The following SORBS2 variants were observed in gnomAD, a reference collection of about 807,000 sequenced individuals.
The protein encoded by SORBS2 is sorbin and SH3 domain-containing protein 2.
SORBS2 carries 46 observed loss-of-function variants against 97.7 expected under a neutral mutation model. The ratio of observed to expected loss-of-function variants is 0.47; its 90% CI spans 0.37 to 0.60. The LOEUF is 0.60. SORBS2 is among the 20% of genes least tolerant of loss of function. SORBS2 has a pLI of 0.00. For missense variants in SORBS2, 1,316 were observed against 1,282.3 expected (o/e 1.03, Z -0.40); for synonymous variants, 476 against 473.4 (o/e 1.01, Z -0.07).
intron 1 of SORBS2, among the ~76,000 whole-genome samples, chr4:185,781,056 G>A (rs910018181): frequency 6.6e-6 from 1 of 152,106 alleles, no homozygotes; most frequent in African/African-American, 2.4e-5. Context: ...TCCTGCCTCA[G>A]CCTCCCAAGT....
At chr4:185,886,322 G>A (rs915958953) in intron 1 of SORBS2, among the ~76,000 whole-genome samples, 5 of 152,066 alleles carry the variant, frequency 3.3e-5, no homozygotes, top group South Asian at 2.1e-4. Flanking sequence ...TCAGGAGGCC[G>A]AGGTGGGCAG....
intron 2 of SORBS2, among the ~76,000 whole-genome samples, chr4:185,688,505 A>AATAG (rs35533883): frequency 0.037 from 4,780 of 127,726 alleles, 105 homozygotes; most frequent in African/African-American, 0.074. Flanking sequence ...TAGATAGATA[A>AATAG]ATAGATAGAT....
chr4:185,949,311 T>A (rs1458149917), intron 1 of SORBS2, among the ~76,000 whole-genome samples: 1 of 152,236 alleles, frequency 6.6e-6, no homozygotes, highest in African/African-American at 2.4e-5. Flanking sequence ...GTATTGAATC[T>A]GGACTGGACC....
chr4:185,742,168 G>A (rs577601284), intron 2 of SORBS2, among the ~76,000 whole-genome samples: 35 of 152,346 alleles, frequency 2.3e-4, no homozygotes, highest in African/African-American at 7.9e-4. Flanking sequence ...TGGGGGTAGT[G>A]TTCAAACAAC....
chr4:185,703,828 G>C (rs1320306603), intron 2 of SORBS2, among the ~76,000 whole-genome samples: 1 of 152,126 alleles, frequency 6.6e-6, no homozygotes, highest in Non-Finnish European at 1.5e-5. Context: ...TGTGATAATT[G>C]TATCATTAAC....
intron 1 of SORBS2, among the ~76,000 whole-genome samples, chr4:185,952,228 A>C (rs911613096): frequency 6.6e-6 from 1 of 152,130 alleles, no homozygotes; most frequent in Non-Finnish European, 1.5e-5. Context: ...GGGTTTCACC[A>C]TGTTGGCCAG....
intron 4 of SORBS2, among the ~76,000 whole-genome samples, chr4:185,641,725 C>G (rs1287742375): frequency 2.6e-5 from 4 of 151,060 alleles, no homozygotes; most frequent in Admixed American, 2.0e-4. Flanking sequence ...TCTTTCTAGC[C>G]TTGGTGTGAT....
chr4:185,884,229 T>C (rs2099238236), intron 1 of SORBS2, among the ~76,000 whole-genome samples: 1 of 152,224 alleles, frequency 6.6e-6, no homozygotes, highest in Non-Finnish European at 1.5e-5. Context: ...AATTGGCATG[T>C]TTATAGATCC....
intron 1 of SORBS2, among the ~76,000 whole-genome samples, chr4:185,847,104 C>T (rs1383019618): frequency 6.6e-6 from 1 of 152,024 alleles, no homozygotes; most frequent in Non-Finnish European, 1.5e-5. Flanking sequence ...ACTTCTGTCC[C>T]CAAAACTTAC....
intron 1 of SORBS2, among the ~76,000 whole-genome samples, chr4:185,946,231 A>G (rs1320410138): frequency 6.6e-6 from 1 of 152,216 alleles, no homozygotes; most frequent in East Asian, 1.9e-4. Context: ...AAAAGGAAAA[A>G]GAGAACATGA....
chr4:185,733,591 G>A (rs573881620), intron 2 of SORBS2, among the ~76,000 whole-genome samples: 1 of 152,306 alleles, frequency 6.6e-6, no homozygotes, highest in African/African-American at 2.4e-5. Flanking sequence ...CCCCGGTGAA[G>A]CATCAGTGAC....
chr4:185,717,261 T>C (rs2098473405), intron 2 of SORBS2, among the ~76,000 whole-genome samples: 1 of 152,226 alleles, frequency 6.6e-6, no homozygotes, highest in Non-Finnish European at 1.5e-5. Flanking sequence ...CCTTTGATTA[T>C]AGGGCATAAC....
intron 1 of SORBS2, among the ~76,000 whole-genome samples, chr4:185,852,156 C>T (rs529041988): frequency 2.6e-5 from 4 of 152,282 alleles, no homozygotes; most frequent in Non-Finnish European, 2.9e-5. Flanking sequence ...TACAGGCAGC[C>T]GATCCCTGTA....
At chr4:185,796,435 A>G (rs13126725) in intron 1 of SORBS2, among the ~76,000 whole-genome samples, 66,421 of 126,360 alleles carry the variant, frequency 0.53, 17,298 homozygotes, top group East Asian at 0.63. Flanking sequence ...GATTTATATG[A>G]AATCCATCGC....
chr4:185,703,428 A>G (rs563963557), intron 2 of SORBS2, among the ~76,000 whole-genome samples: 1 of 152,272 alleles, frequency 6.6e-6, no homozygotes, highest in Non-Finnish European at 1.5e-5. Flanking sequence ...CATTCCAAAT[A>G]TTACGTTTTT....
chr4:185,818,413 T>C (rs929167360), intron 1 of SORBS2, among the ~76,000 whole-genome samples: 1 of 151,892 alleles, frequency 6.6e-6, no homozygotes, highest in African/African-American at 2.4e-5. Flanking sequence ...ATGGTCTCCA[T>C]CTCCTGACCT....
Position 185,662,457 on chromosome 4 carries a change from T to C in SORBS2, c.-45-215A>G, listed in dbSNP as rs534005369. Among the ~76,000 whole-genome samples, 321 of 152,288 alleles carry C rather than the reference T, an allele frequency of 2.1e-3. 1 individual carries two copies. The highest frequency in any genetic ancestry group is 7.6e-3 in the African/African-American group (316 of 41,570). On this transcript the variant is annotated intron_variant, in intron 4 of 20. Transcript: ENST00000284776. ...AATCACTCTCTTGTGTATCTGAGGG[T>C]CCAGGGAGTGGTTAGGAAGAATGAA...
chr4:185,597,665 G>A (rs937710364), intron 12 of SORBS2, among the ~76,000 whole-genome samples: 1 of 152,148 alleles, frequency 6.6e-6, no homozygotes, highest in Non-Finnish European at 1.5e-5. Flanking sequence ...GTCCTATAAG[G>A]TGATGTAAAT....
chr4:185,651,720 G>A (rs867514095), intron 2 of SORBS2, 64 bp downstream of exon 11: 42 of 884,254 alleles, frequency 4.7e-5, no homozygotes, highest in Middle Eastern at 2.1e-4. Flanking sequence ...AAAGGTGACC[G>A]TGTCGTTCTT....
Sources: allele counts gnomAD v4.1 joint callset (sites outside exome capture counted in the v4.1 genomes callset), GRCh38; gene constraint gnomAD v4.1.1; transcripts MANE v1.5; gene names NCBI Gene and HGNC (gene_info 2026-07-23, HGNC 2026-07-21).